STIL: variants seen among roughly 807,000 people sequenced by gnomAD.
STIL encodes the protein STIL centriolar assembly protein.
In STIL, 55 loss-of-function variants were observed where a neutral mutation model predicts 110.1. The ratio of observed to expected loss-of-function variants is 0.50; its 90% CI spans 0.40 to 0.63. STIL has a LOEUF of 0.63. STIL is among the 20% of genes least tolerant of loss of function. STIL has a pLI of 0.00. For missense variants in STIL, 1,358 were observed against 1,530.0 expected (o/e 0.89, Z 1.87); for synonymous variants, 481 against 530.0 (o/e 0.91, Z 1.27).
chr1:47,309,944 A>G (rs1646073954), intron 2 of STIL, among the ~76,000 whole-genome samples: 1 of 152,222 alleles, frequency 6.6e-6, no homozygotes, highest in African/African-American at 2.4e-5. Context: ...TCCCATCAAT[A>G]AAGATCTATA....
intron 2 of STIL, among the ~76,000 whole-genome samples, chr1:47,305,555 A>G (rs192767388): frequency 6.1e-4 from 93 of 151,602 alleles, no homozygotes; most frequent in African/African-American, 2.2e-3. Flanking sequence ...TAGCCTCCCA[A>G]GTAGCTGGGA....
At chr1:47,301,499 G>A in intron 5 of STIL, 62 bp downstream of exon 5, 1 of 1,433,536 alleles carries the variant, frequency 7.0e-7, no homozygotes, top group Admixed American at 1.7e-5. Flanking sequence ...CTAAAATACA[G>A]CATACTAAAC....
chr1:47,294,967 G>A (rs1048056664), intron 7 of STIL, among the ~76,000 whole-genome samples: 1 of 151,930 alleles, frequency 6.6e-6, no homozygotes, highest in Non-Finnish European at 1.5e-5. Flanking sequence ...TGTTGCCCAA[G>A]CTGGAGTGCA....
chr1:47,287,041 TAG>T (rs1645322442), intron 10 of STIL, among the ~76,000 whole-genome samples: 1 of 152,124 alleles, frequency 6.6e-6, no homozygotes, highest in Non-Finnish European at 1.5e-5. Flanking sequence ...AATTTTATAG[TAG>T]TTTATCTGAT....
At chr1:47,285,011 A>AT (rs1170569459) in intron 10 of STIL, among the ~76,000 whole-genome samples, 1 of 134,142 alleles carries the variant, frequency 7.5e-6, no homozygotes, top group Non-Finnish European at 1.6e-5. Flanking sequence ...ACCTGTAGAC[A>AT]TTTTTTGTCT....
intron 12 of STIL, among the ~76,000 whole-genome samples, chr1:47,279,961 T>A (rs1380438835): frequency 2.0e-5 from 3 of 152,172 alleles, no homozygotes; most frequent in African/African-American, 7.2e-5. Flanking sequence ...AACAGACTTT[T>A]CATTAGAGGC....
In STIL at chr1:47,251,270, C is replaced by A; in HGVS notation, c.3733G>T (p.Glu1245Ter). Residue 1245 changes from glutamate (E) to a stop codon, truncating the protein, a stop_gained, in exon 17 of 17, where the codon GAA (glutamate) becomes TAA (stop). Coordinates refer to ENST00000371877, the MANE Select transcript of STIL (RefSeq NM_001048166.1). LOFTEE classifies it high-confidence loss of function. ...KAEFTQHPEK[E>*]NEGDITIFPE... ...AAAATTGTAATGTCCCCTTCATTTT[C>A]TTTCTCAGGATGTTGAGTGAACTCT... 1 of 1,612,094 alleles carries A rather than the reference C, an allele frequency of 6.2e-7. No individual in the cohort carries two copies. Among genetic ancestry groups the A allele is most frequent in the Non-Finnish European group, 8.5e-7 (1 of 1,178,550 alleles).
intron 7 of STIL, among the ~76,000 whole-genome samples, chr1:47,295,276 T>C (rs903813536): frequency 6.6e-6 from 1 of 152,070 alleles, no homozygotes; most frequent in African/African-American, 2.4e-5. Flanking sequence ...GTTAGAGTTC[T>C]TCCTAATATT....
At chr1:47,287,135 G>A (rs1645325380) in intron 10 of STIL, among the ~76,000 whole-genome samples, 1 of 152,126 alleles carries the variant, frequency 6.6e-6, no homozygotes. Context: ...GGCCAAGGCA[G>A]AAGGATCACT....
rs1644761980 is a variant in STIL at position 47,269,673 on chromosome 1, A to C, written c.2577T>G (p.Ala859=). The change falls in exon 14 of 17, where the codon GCT becomes GCG. Residue 859 remains alanine (A), a synonymous_variant. Transcript: ENST00000371877. ...GTGGCTGGTTAAATTCTTCTTCCAC[A>C]GCAATGTTGCTCTCTTCAAAACTGG... ...DIPSFEESNI[A]VEEEFNQPLS... The C allele has an allele frequency of 6.2e-7, 1 of 1,614,084 alleles. No individual in the cohort carries two copies. The highest frequency in any genetic ancestry group is 1.3e-5 in the African/African-American group (1 of 74,948).
rs1023888306 is a variant in STIL, at chr1:47,267,034, C to G, written c.2615+2601G>C. Among the ~76,000 whole-genome samples the G allele has an allele frequency of 2.0e-5, 3 of 152,350 alleles. No homozygotes were observed. The South Asian group carries it at 6.2e-4, about 32-fold the overall frequency. On this transcript the variant is annotated intron_variant, in intron 14 of 16. Coordinates refer to ENST00000371877, the MANE Select transcript of STIL (RefSeq NM_001048166.1). ...TTTTTCTGTAACTTTTAAACCCACA[C>G]TTGCCATTACACTTGCTTTTTCCTC...
chr1:47,259,673 T>C (rs1325549290), intron 16 of STIL, among the ~76,000 whole-genome samples: 1 of 152,158 alleles, frequency 6.6e-6, no homozygotes, highest in Non-Finnish European at 1.5e-5. Context: ...TTCTGTATTG[T>C]TTTTTAAAAC....
At chr1:47,298,599 T>C (rs1570252878) in intron 6 of STIL, among the ~76,000 whole-genome samples, 1 of 152,008 alleles carries the variant, frequency 6.6e-6, no homozygotes, top group African/African-American at 2.4e-5. Flanking sequence ...CTAGCCTCCC[T>C]TGGGTTCATA....
At chr1:47,305,725 CTTTTTTTTTTTT>C (rs71572652) in intron 2 of STIL, among the ~76,000 whole-genome samples, 3 of 43,418 alleles carry the variant, frequency 6.9e-5, no homozygotes, top group Non-Finnish European at 1.1e-4. Flanking sequence ...CACGCCTGGC[CTTTTTTTTTTTT>C]TTTTTTTTTT....
intron 16 of STIL, among the ~76,000 whole-genome samples, chr1:47,254,780 C>T (rs1339639676): frequency 2.0e-5 from 3 of 152,138 alleles, no homozygotes; most frequent in Non-Finnish European, 4.4e-5. Context: ...AGTGATCCTC[C>T]CATCTTGGCC....
In STIL at chr1:47,296,836, G is replaced by A. The variant is rs138417663; in HGVS notation, c.702-988C>T. 1.7e-3 allele frequency among the ~76,000 whole-genome samples: 266 copies of A among 152,190 alleles called. 2 individuals are homozygous for A. The highest frequency in any genetic ancestry group is 6.0e-3 in the African/African-American group (249 of 41,534). ...CTCAAAAACAGAAAACAAAAACAAT[G>A]CCATTAGTGATATAAAGCCTTGGCA... On this transcript the variant is annotated intron_variant, in intron 6 of 16. Coordinates refer to ENST00000371877, the MANE Select transcript of STIL (RefSeq NM_001048166.1).
chr1:47,306,606 C>A (rs1278179769), intron 2 of STIL, among the ~76,000 whole-genome samples: 3 of 152,192 alleles, frequency 2.0e-5, no homozygotes, highest in African/African-American at 2.4e-5. Flanking sequence ...TAATACCCAA[C>A]AGTTATGAAA....
intron 2 of STIL, among the ~76,000 whole-genome samples, chr1:47,309,234 AT>A (rs1231924652): frequency 1.3e-5 from 2 of 152,120 alleles, no homozygotes; most frequent in African/African-American, 2.4e-5. Context: ...AAAAATTTAA[AT>A]TTTTTTAATT....
intron 16 of STIL, 35 bp downstream of exon 16, chr1:47,260,254 T>G (rs759244331): frequency 4.0e-5 from 63 of 1,570,374 alleles, no homozygotes; most frequent in Non-Finnish European, 5.2e-5. Flanking sequence ...AAAATAAAAT[T>G]TATTCACTCT....
Sources: gnomAD v4.1 joint callset for allele counts (sites outside exome capture counted in the v4.1 genomes callset) on GRCh38, gnomAD v4.1.1 for gene constraint, MANE v1.5 for transcripts, NCBI Gene and HGNC (gene_info 2026-07-23, HGNC 2026-07-21) for gene names.